Variants in THRB observed in about 807,000 individuals in gnomAD.
THRB encodes thyroid hormone receptor beta.
Under a neutral mutation model 47.8 loss-of-function variants are expected in THRB, and 12 were observed. That is an observed-to-expected ratio of 0.25 (90% CI 0.16 to 0.41). The LOEUF is 0.41. THRB is among the 10% of genes least tolerant of loss of function. THRB has a pLI of 1.00. For missense variants in THRB, 348 were observed against 589.2 expected, an observed-to-expected ratio of 0.59 and a Z score of 4.24; for synonymous variants, 218 against 212.2, an observed-to-expected ratio of 1.03 and a Z score of -0.24.
intron 3 of THRB, among the ~76,000 whole-genome samples, chr3:24,234,588 C>T (rs886106413): frequency 6.6e-6 from 1 of 152,144 alleles, no homozygotes; most frequent in Non-Finnish European, 1.5e-5. Flanking sequence ...GGCTTTAGAT[C>T]ATTCAAGATG....
In THRB at chr3:24,359,221, A is replaced by C. The variant is rs114553242; in HGVS notation, c.-260-21850T>G. On this transcript the variant is annotated intron_variant, in intron 1 of 10. Coordinates refer to ENST00000646209, the MANE Select transcript of THRB (RefSeq NM_001354712.2). ...CAGTTGGTGGCTGGGCTGGTATGGA[A>C]GTACAAGATGGCTTCACCCACTTGC... Among the ~76,000 whole-genome samples the C allele has an allele frequency of 4.3e-3, 656 of 152,250 alleles. 7 individuals are homozygous for C. The highest frequency in any genetic ancestry group is 0.015 in the African/African-American group (625 of 41,558).
At chr3:24,337,439 T>C (rs1196097593) in intron 1 of THRB, 68 bp from the exon 2 acceptor site, 1 of 152,222 alleles carries the variant, frequency 6.6e-6, no homozygotes, top group Non-Finnish European at 1.5e-5. Flanking sequence ...ATTCGATTAA[T>C]CTACAACTGT....
rs1261154854 is a variant in THRB, at chr3:24,120,933, A to G, written c.*1951T>C. ...TGAATATTTAATTCCCCGCTCCCAG[A>G]TAATTTCCAATCATACTTGGAATTT... On this transcript the variant is annotated 3_prime_UTR_variant, in exon 11 of 11. Coordinates refer to ENST00000646209, the MANE Select transcript of THRB (RefSeq NM_001354712.2). The G allele has an allele frequency of 1.3e-5, 2 of 152,192 alleles. No individual in the cohort carries two copies. Among genetic ancestry groups the G allele is most frequent in the Non-Finnish European group, 2.9e-5 (2 of 68,024 alleles). 9.4% of individuals were successfully genotyped at this position (152,192 alleles called of 1,614,324 possible).
intron 1 of THRB, among the ~76,000 whole-genome samples, chr3:24,391,855 C>T (rs1298130259): frequency 6.6e-6 from 1 of 152,154 alleles, no homozygotes; most frequent in African/African-American, 2.4e-5. Flanking sequence ...CATGTACTAA[C>T]TGACTTACTC....
rs574970344 is a variant in THRB at position 24,347,464 on chromosome 3, A to G, written c.-260-10093T>C. ...ACAGAGAAAATCAATCAAGCCAAAA[A>G]CTGGTTCTTTGAAAATACTAATAAA... On this transcript the variant is annotated intron_variant, in intron 1 of 10. Transcript: ENST00000646209. Among the ~76,000 whole-genome samples the G allele has an allele frequency of 2.6e-5, 4 of 151,966 alleles. No homozygotes were observed. In the South Asian group the frequency reaches 8.3e-4, roughly 32 times the overall value.
At chr3:24,213,942 T>TG (rs2046313173) in intron 4 of THRB, among the ~76,000 whole-genome samples, 1 of 152,192 alleles carries the variant, frequency 6.6e-6, no homozygotes, top group South Asian at 2.1e-4. Context: ...ATGGTCACTG[T>TG]GGGGGATCAT....
At chr3:24,419,091 T>A (rs994228799) in intron 1 of THRB, among the ~76,000 whole-genome samples, 21 of 151,872 alleles carry the variant, frequency 1.4e-4, no homozygotes, top group Non-Finnish European at 2.7e-4. Flanking sequence ...CTTAGAGCAA[T>A]AGCTAGGACA....
At chr3:24,311,436 A>T (rs188069012) in intron 2 of THRB, among the ~76,000 whole-genome samples, 8 of 152,134 alleles carry the variant, frequency 5.3e-5, no homozygotes, top group Non-Finnish European at 1.2e-4. Context: ...TCTTTCATAG[A>T]CTCTTCCAAC....
chr3:24,221,604 G>C (rs1459649348), intron 4 of THRB, among the ~76,000 whole-genome samples: 5 of 152,168 alleles, frequency 3.3e-5, no homozygotes, highest in Non-Finnish European at 7.4e-5. Flanking sequence ...GGTGCCTTCT[G>C]TAAAGGGTGA....
At chr3:24,265,312 A>T (rs908242199) in intron 3 of THRB, among the ~76,000 whole-genome samples, 1 of 152,196 alleles carries the variant, frequency 6.6e-6, no homozygotes, top group Non-Finnish European at 1.5e-5. Context: ...AACTCTGAAG[A>T]AAAAGCCAAA....
At chr3:24,478,850 A>G (rs1357244209) in intron 1 of THRB, among the ~76,000 whole-genome samples, 1 of 152,186 alleles carries the variant, frequency 6.6e-6, no homozygotes, top group Non-Finnish European at 1.5e-5. Flanking sequence ...GGTAGAACTA[A>G]AGTCTAAACA....
At chr3:24,383,408 T>C (rs1482603056) in intron 1 of THRB, among the ~76,000 whole-genome samples, 1 of 152,000 alleles carries the variant, frequency 6.6e-6, no homozygotes, top group African/African-American at 2.4e-5. Context: ...AGGGAAGAAA[T>C]GGGGGTGGGC....
At chr3:24,269,301 ACACACACACACACACACACACGT>A (rs2053005122) in intron 3 of THRB, among the ~76,000 whole-genome samples, 7 of 121,852 alleles carry the variant, frequency 5.7e-5, no homozygotes, top group East Asian at 2.6e-4. Context: ...ACACACACAC[ACACACACACACACACACACACGT>A]TATCTTTGCT....
At chr3:24,144,719 A>C (rs1038955867) in intron 7 of THRB, 1 of 152,180 alleles carries the variant, frequency 6.6e-6, no homozygotes, top group Non-Finnish European at 1.5e-5. Context: ...GGGAACTTAG[A>C]CGTCATCTAG....
At chr3:24,376,122 G>T (rs929281826) in intron 1 of THRB, among the ~76,000 whole-genome samples, 1 of 152,098 alleles carries the variant, frequency 6.6e-6, no homozygotes, top group Non-Finnish European at 1.5e-5. Flanking sequence ...TGCTTCAGTT[G>T]CAGTATATTG....
intron 4 of THRB, among the ~76,000 whole-genome samples, chr3:24,224,103 G>C (rs955005205): frequency 1.3e-5 from 2 of 152,108 alleles, no homozygotes; most frequent in African/African-American, 4.8e-5. Context: ...GCTAAAATGT[G>C]AAAACAGAAA....
intron 5 of THRB, among the ~76,000 whole-genome samples, chr3:24,170,748 C>G (rs565713489): frequency 2.0e-5 from 3 of 152,102 alleles, no homozygotes; most frequent in Middle Eastern, 6.8e-3. Flanking sequence ...TGTCAGGAAC[C>G]TCTTGATACC....
chr3:24,452,893 T>C (rs1302876305), intron 1 of THRB, among the ~76,000 whole-genome samples: 2 of 152,184 alleles, frequency 1.3e-5, no homozygotes, highest in African/African-American at 4.8e-5. Context: ...GTTTTGCAAA[T>C]TTCTCCAGTA....
chr3:24,325,745 T>A (rs2058763804), intron 2 of THRB, among the ~76,000 whole-genome samples: 1 of 152,188 alleles, frequency 6.6e-6, no homozygotes, highest in Admixed American at 6.5e-5. Context: ...AATATAACAA[T>A]CCCTGCCTGT....
Sources: gnomAD v4.1 joint callset for allele counts (sites outside exome capture counted in the v4.1 genomes callset) on GRCh38, gnomAD v4.1.1 for gene constraint, MANE v1.5 for transcripts, NCBI Gene and HGNC (gene_info 2026-07-23, HGNC 2026-07-21) for gene names.